BRWD1: variants seen among roughly 807,000 people sequenced by gnomAD.
BRWD1 encodes bromodomain and WD repeat domain containing 1.
A neutral mutation model predicts 251.2 loss-of-function variants in BRWD1; 82 were observed. The ratio of observed to expected loss-of-function variants is 0.33; its 90% CI spans 0.27 to 0.39. The LOEUF is 0.39. BRWD1 is among the 10% of genes least tolerant of loss of function. The pLI, the probability that BRWD1 is intolerant of heterozygous loss-of-function variation, is 1.00. For missense variants in BRWD1, 2,233 were observed against 2,711.6 expected (o/e 0.82, Z 3.92); for synonymous variants, 918 against 902.8 (o/e 1.02, Z -0.30).
intron 22 of BRWD1, among the ~76,000 whole-genome samples, 193 bp downstream of exon 22, chr21:39,238,285 CA>C (rs58179212): frequency 0.83 from 101,079 of 122,402 alleles, 41,170 homozygotes; most frequent in Middle Eastern, 0.89. Flanking sequence ...TGCTTAAAGT[CA>C]AAAAAAAAAA....
chr21:39,255,578 G>A, intron 19 of BRWD1, 67 bp downstream of exon 19: 1 of 1,311,126 alleles, frequency 7.6e-7, no homozygotes, highest in Non-Finnish European at 1.1e-6. Flanking sequence ...AATACAGAAT[G>A]TGTAAATAAC....
chr21:39,209,215 A>G (rs2032547164), intron 36 of BRWD1, among the ~76,000 whole-genome samples: 1 of 152,102 alleles, frequency 6.6e-6, no homozygotes, highest in African/African-American at 2.4e-5. Flanking sequence ...ATACATGCCC[A>G]AAGACTTTCC....
At chr21:39,293,752 G>T in intron 8 of BRWD1, 59 bp downstream of exon 8, 1 of 1,361,754 alleles carries the variant, frequency 7.3e-7, no homozygotes, top group Non-Finnish European at 1.0e-6. Flanking sequence ...CAAAGAAACT[G>T]TTTTAAAGAA....
intron 1 of BRWD1, among the ~76,000 whole-genome samples, chr21:39,320,007 A>C (rs2036732435): frequency 6.6e-6 from 1 of 151,448 alleles, no homozygotes; most frequent in African/African-American, 2.4e-5. Flanking sequence ...TCAAACCCAA[A>C]CTCCTTGGCT....
chr21:39,216,873 T>G, intron 31 of BRWD1: 1 of 182,358 alleles, frequency 5.5e-6, no homozygotes, highest in South Asian at 1.1e-4. Context: ...ATACAGATTA[T>G]TTCATCACCC....
intron 9 of BRWD1, 70 bp downstream of exon 9, chr21:39,280,078 C>T: frequency 2.6e-6 from 3 of 1,152,338 alleles, no homozygotes; most frequent in Middle Eastern, 2.0e-4. Context: ...AACAATAAAA[C>T]TTCATTTCAT....
chr21:39,187,503 T>C lies in BRWD1; in HGVS notation c.*8756A>G. ...TGCTAACATTCCTCAACAACACTCA[T>C]TCGGAAACAATAAATTTAAAAGTCA... On this transcript the variant is annotated 3_prime_UTR_variant, in exon 41 of 41. Transcript: ENST00000342449. 6.9e-7 allele frequency: 1 copy of C among 1,452,144 alleles called. No individual in the cohort carries two copies. 90.0% of individuals were successfully genotyped at this position (1,452,144 alleles called of 1,614,324 possible).
intron 31 of BRWD1, among the ~76,000 whole-genome samples, chr21:39,217,935 G>GA (rs201590471): frequency 1.5e-3 from 220 of 148,446 alleles, no homozygotes; most frequent in African/African-American, 3.7e-3. Context: ...AATAATCACT[G>GA]AAAAAAAAAC....
intron 15 of BRWD1, among the ~76,000 whole-genome samples, chr21:39,267,370 C>A (rs1400098238): frequency 6.6e-6 from 1 of 151,942 alleles, no homozygotes; most frequent in Non-Finnish European, 1.5e-5. Context: ...CCGAGGCGGG[C>A]GGATCACAAG....
At chr21:39,249,045 G>A (rs1475770135) in intron 20 of BRWD1, among the ~76,000 whole-genome samples, 1 of 151,066 alleles carries the variant, frequency 6.6e-6, no homozygotes, top group African/African-American at 2.4e-5. Context: ...AAAAAAAAAC[G>A]AGATCATGTC....
At position 39,195,447 on chromosome 21, in the gene BRWD1, T is replaced by C. The variant is rs1312472431; in HGVS notation, c.*812A>G. 2.2e-5 allele frequency: 22 copies of C among 985,748 alleles called. No homozygotes were observed. The highest frequency in any genetic ancestry group is 2.7e-5 in the Non-Finnish European group (22 of 829,866). 61.1% of individuals were successfully genotyped at this position (985,748 alleles called of 1,614,324 possible). On this transcript the variant is annotated 3_prime_UTR_variant, in exon 41 of 41. Transcript: ENST00000342449. ...AAGAGCAAGATTTTGGTTAAATCCC[T>C]TACAATGGAAACCAGGAGATCTTGG...
At position 39,193,739 on chromosome 21, in the gene BRWD1, A is replaced by C. The variant is rs1326077776; in HGVS notation, c.*2520T>G. On this transcript the variant is annotated 3_prime_UTR_variant, in exon 41 of 41. Transcript: ENST00000342449. ...TCAAGAATACTACAAACTGACCCTA[A>C]ACATTAAAGTACACCTGTGCATTAA... The C allele has an allele frequency of 2.0e-6, 2 of 985,580 alleles. No individual in the cohort carries two copies. The highest frequency in any genetic ancestry group is 6.2e-5 in the Admixed American group (1 of 16,260). The allele number at this position is 985,580 out of a possible 1,614,324, so 61.1% of individuals were successfully genotyped here.
At chr21:39,237,880 T>G (rs1414702763) in intron 22 of BRWD1, among the ~76,000 whole-genome samples, 1 of 152,088 alleles carries the variant, frequency 6.6e-6, no homozygotes, top group African/African-American at 2.4e-5. Context: ...TTCTAGCTCC[T>G]TATCATAATG....
chr21:39,202,165 C>A (rs2032141575), intron 38 of BRWD1, among the ~76,000 whole-genome samples, 160 bp downstream of exon 38: 1 of 152,168 alleles, frequency 6.6e-6, no homozygotes, highest in Non-Finnish European at 1.5e-5. Flanking sequence ...AGAAGATAAC[C>A]GAATTGTTCC....
chr21:39,200,509 C>A, intron 38 of BRWD1, 123 bp from the exon 39 acceptor site: 1 of 788,526 alleles, frequency 1.3e-6, no homozygotes, highest in Non-Finnish European at 1.8e-6. Context: ...TCCTAAAATG[C>A]TTAGAATATA....
At chr21:39,277,163 A>G in intron 11 of BRWD1, 88 bp downstream of exon 11, 1 of 623,000 alleles carries the variant, frequency 1.6e-6, no homozygotes. Flanking sequence ...AATTAAAAAT[A>G]AAAGTAGAGC....
At chr21:39,306,333 T>G (rs2036287835) in intron 4 of BRWD1, among the ~76,000 whole-genome samples, 3 of 152,144 alleles carry the variant, frequency 2.0e-5, no homozygotes, top group Admixed American at 1.3e-4. Flanking sequence ...CCTCCCCAAG[T>G]GCTGGGATTA....
intron 29 of BRWD1, among the ~76,000 whole-genome samples, chr21:39,220,300 A>G (rs975469194): frequency 2.0e-5 from 3 of 152,186 alleles, no homozygotes; most frequent in African/African-American, 7.2e-5. Context: ...CTGATGCACA[A>G]AAAGGCCAGC....
downstream of BRWD1, chr21:39,185,366 T>C (rs2031174032): frequency 6.7e-6 from 1 of 149,512 alleles, no homozygotes. Flanking sequence ...TTTCATTTTA[T>C]AGTTACTTGT....
Sources: allele counts gnomAD v4.1 joint callset (sites outside exome capture counted in the v4.1 genomes callset), GRCh38; gene constraint gnomAD v4.1.1; transcripts MANE v1.5; gene names NCBI Gene and HGNC (gene_info 2026-07-23, HGNC 2026-07-21).